The following GSE1 variants were observed in gnomAD, a reference collection of about 807,000 sequenced individuals.
GSE1 encodes genetic suppressor element 1.
In GSE1, 32 loss-of-function variants were observed where a neutral mutation model predicts 112.6. The ratio of observed to expected loss-of-function variants is 0.28; its 90% CI spans 0.21 to 0.38. The LOEUF (loss-of-function observed/expected upper bound fraction) is 0.38. GSE1 is among the 10% of genes least tolerant of loss of function. GSE1 has a pLI of 1.00. For synonymous variants in GSE1, 1,115 were observed against 735.6 expected, an observed-to-expected ratio of 1.52 and a Z score of -8.35; for missense variants, 2,348 against 1,699.2, an observed-to-expected ratio of 1.38 and a Z score of -6.71.
At chr16:85,439,983 T>C (rs1307299184) in intron 2 of GSE1, among the ~76,000 whole-genome samples, 2 of 152,230 alleles carry the variant, frequency 1.3e-5, no homozygotes, top group African/African-American at 2.4e-5. Flanking sequence ...TATGTGCACA[T>C]GCATGCATAT....
chr16:85,478,832 T>C (rs890858099), intron 2 of GSE1, among the ~76,000 whole-genome samples: 1 of 148,356 alleles, frequency 6.7e-6, no homozygotes, highest in African/African-American at 2.5e-5. Context: ...CATGCCCCGC[T>C]CATTTATTTT....
At chr16:85,343,300 C>T (rs1200625917) in intron 1 of GSE1, among the ~76,000 whole-genome samples, 1 of 152,102 alleles carries the variant, frequency 6.6e-6, no homozygotes, top group Non-Finnish European at 1.5e-5. Flanking sequence ...CTTGAGGTGA[C>T]CGAGTTCTAG....
intron 1 of GSE1, among the ~76,000 whole-genome samples, chr16:85,209,852 C>T (rs1384591786): frequency 6.6e-6 from 1 of 152,176 alleles, no homozygotes; most frequent in Non-Finnish European, 1.5e-5. Context: ...TGACCTGGTC[C>T]AGAAAGTGAC....
At chr16:85,582,506 C>A (rs941387490) in intron 1 of GSE1, among the ~76,000 whole-genome samples, 2 of 152,174 alleles carry the variant, frequency 1.3e-5, no homozygotes, top group African/African-American at 4.8e-5. Context: ...GACCCGACAT[C>A]CCCTGGGAGG....
At chr16:85,562,388 G>A (rs561440606) in intron 1 of GSE1, among the ~76,000 whole-genome samples, 3 of 146,638 alleles carry the variant, frequency 2.0e-5, no homozygotes, top group Non-Finnish European at 4.5e-5. Context: ...TTCTCATTAA[G>A]GTTTTTTTCT....
At chr16:85,610,704 C>A (rs1006570842), upstream of GSE1, among the ~76,000 whole-genome samples, 7 of 152,180 alleles carry the variant, frequency 4.6e-5, no homozygotes, top group Non-Finnish European at 8.8e-5. Context: ...GCCGGGGTGT[C>A]CGGCAGCGCC....
chr16:85,489,276 G>A (rs1201359588), intron 2 of GSE1, among the ~76,000 whole-genome samples: 5 of 151,692 alleles, frequency 3.3e-5, no homozygotes, highest in African/African-American at 1.2e-4. Flanking sequence ...CATCCTGGAT[G>A]GGCTGTTGAG....
chr16:85,481,279 C>A (rs1281241115), intron 2 of GSE1, among the ~76,000 whole-genome samples: 2 of 152,180 alleles, frequency 1.3e-5, no homozygotes, highest in Non-Finnish European at 2.9e-5. Flanking sequence ...TGAAAAATTT[C>A]CTGAGATAAA....
intron 2 of GSE1, among the ~76,000 whole-genome samples, chr16:85,465,759 C>CA (rs2151833954): frequency 6.6e-6 from 1 of 152,364 alleles, no homozygotes; most frequent in African/African-American, 2.4e-5. Context: ...CCCTATCAGA[C>CA]AGACGTTCCT....
chr16:85,203,300 G>A (rs945263686), intron 1 of GSE1, among the ~76,000 whole-genome samples: 3 of 152,214 alleles, frequency 2.0e-5, no homozygotes, highest in Non-Finnish European at 2.9e-5. Flanking sequence ...AGGCTGGGCA[G>A]GTGGGGTCCT....
At chr16:85,425,526 C>T (rs1359060882) in intron 2 of GSE1, among the ~76,000 whole-genome samples, 1 of 152,174 alleles carries the variant, frequency 6.6e-6, no homozygotes, top group Non-Finnish European at 1.5e-5. Flanking sequence ...CTGGTCTCCT[C>T]CTAGCGGGAT....
At chr16:85,216,231 C>T (rs977111062) in intron 1 of GSE1, among the ~76,000 whole-genome samples, 5 of 152,194 alleles carry the variant, frequency 3.3e-5, no homozygotes, top group African/African-American at 1.2e-4. Flanking sequence ...TAGTGAGACC[C>T]CATCTCTACA....
chr16:85,299,578 C>T (rs78792101), intron 1 of GSE1, among the ~76,000 whole-genome samples: 4,504 of 152,292 alleles, frequency 0.03, 97 homozygotes, highest in Non-Finnish European at 0.048. Flanking sequence ...ACACCTGAGC[C>T]CTCTGCCTAC....
chr16:85,446,739 G>A (rs11864969), intron 2 of GSE1, among the ~76,000 whole-genome samples: 8,600 of 152,226 alleles, frequency 0.056, 310 homozygotes, highest in African/African-American at 0.1. Context: ...AGCGGGCATG[G>A]TGGAGGCGGT....
At chr16:85,595,394 A>G (rs1346220890) in intron 1 of GSE1, 1 of 152,210 alleles carries the variant, frequency 6.6e-6, no homozygotes, top group Non-Finnish European at 1.5e-5. Context: ...CTGAATGCCC[A>G]AGGCCCCTCT....
intron 6 of GSE1, 33 bp downstream of exon 6, chr16:85,655,950 C>T (rs572226859): frequency 9.5e-5 from 145 of 1,531,324 alleles, no homozygotes; most frequent in Non-Finnish European, 1.2e-4. Flanking sequence ...AGCCCCTCTG[C>T]CCTCCCTGTC....
chr16:85,555,467 C>CTTT (rs1387220425), upstream of GSE1: 5 of 984,638 alleles, frequency 5.1e-6, no homozygotes, highest in African/African-American at 8.7e-5. Context: ...CTGCCGGAGA[C>CTTT]TTGTTTGCAA....
upstream of GSE1, among the ~76,000 whole-genome samples, chr16:85,554,333 TA>T (rs2045087946): frequency 6.6e-6 from 1 of 151,996 alleles, no homozygotes; most frequent in Admixed American, 6.6e-5. Flanking sequence ...GGAGGAGAGA[TA>T]CAGGCTCCAC....
intron 2 of GSE1, among the ~76,000 whole-genome samples, chr16:85,469,064 G>A (rs1297404399): frequency 3.3e-5 from 5 of 152,102 alleles, no homozygotes; most frequent in East Asian, 1.9e-4. Flanking sequence ...AGACCAGCCC[G>A]GCCAATGTGG....
Sources: gnomAD v4.1 joint callset for allele counts (sites outside exome capture counted in the v4.1 genomes callset) on GRCh38, gnomAD v4.1.1 for gene constraint, MANE v1.5 for transcripts, NCBI Gene and HGNC (gene_info 2026-07-23, HGNC 2026-07-21) for gene names.